RANBP2: variants seen among roughly 807,000 people sequenced by gnomAD.
RANBP2 encodes the protein RAN binding protein 2.
Under a neutral mutation model 303.6 loss-of-function variants are expected in RANBP2, and 57 were observed. That is an observed-to-expected ratio of 0.19 (90% CI 0.15 to 0.23). The LOEUF (loss-of-function observed/expected upper bound fraction) is 0.23, where lower values mean the gene tolerates loss of function less well. RANBP2 is among the 10% of genes least tolerant of loss of function. RANBP2 has a pLI of 1.00. For missense variants in RANBP2, 3,138 were observed against 3,780.8 expected, an observed-to-expected ratio of 0.83 and a Z score of 4.46; for synonymous variants, 1,167 against 1,301.5, an observed-to-expected ratio of 0.90 and a Z score of 2.23.
At chr2:109,011,870 G>A in the RANBP2 span, among the ~76,000 whole-genome samples, 2 of 152,078 alleles carry the variant, frequency 1.3e-5, no homozygotes, top group East Asian at 1.9e-4. Context: ...GTATATGTGT[G>A]TGCGTGTATG....
the RANBP2 span, chr2:109,347,946 C>T: frequency 1.3e-6 from 2 of 1,599,744 alleles, no homozygotes; most frequent in Non-Finnish European, 1.7e-6. Context: ...TGACCTTCAC[C>T]AAGGTAAGGT....
At chr2:109,244,330 G>A in the RANBP2 span, among the ~76,000 whole-genome samples, 2 of 152,180 alleles carry the variant, frequency 1.3e-5, no homozygotes, top group Non-Finnish European at 2.9e-5. Flanking sequence ...AGGAGCAGGT[G>A]AGAAAAGTGA....
chr2:109,084,358 A>G, the RANBP2 span, among the ~76,000 whole-genome samples: 1 of 152,200 alleles, frequency 6.6e-6, no homozygotes. Flanking sequence ...AACAAAGAAG[A>G]CTGATTTTCA....
At chr2:108,979,527 G>A in the RANBP2 span, among the ~76,000 whole-genome samples, 1 of 151,976 alleles carries the variant, frequency 6.6e-6, no homozygotes, top group Non-Finnish European at 1.5e-5. Context: ...GAGCTGAAGT[G>A]GGGGCTGGAG....
At chr2:108,811,247 C>CTCTTTTTTTTTTTTTTTTTT in the RANBP2 span, among the ~76,000 whole-genome samples, 6 of 113,900 alleles carry the variant, frequency 5.3e-5, no homozygotes, top group East Asian at 2.4e-4. Flanking sequence ...TTCTCTCTCT[C>CTCTTTTTTTTTTTTTTTTTT]TTTTTTTTTT....
chr2:109,054,397 C>G, the RANBP2 span, among the ~76,000 whole-genome samples: 1 of 152,104 alleles, frequency 6.6e-6, no homozygotes, highest in Non-Finnish European at 1.5e-5. Context: ...TAAAATAAGA[C>G]ACACAGATCT....
At chr2:109,147,505 C>A in the RANBP2 span, among the ~76,000 whole-genome samples, 13 of 152,136 alleles carry the variant, frequency 8.5e-5, no homozygotes, top group South Asian at 2.1e-4. Flanking sequence ...TGATAAGAAG[C>A]CCACACTTGA....
chr2:109,342,775 G>T, the RANBP2 span, among the ~76,000 whole-genome samples: 1 of 152,188 alleles, frequency 6.6e-6, no homozygotes, highest in Non-Finnish European at 1.5e-5. Context: ...GTGCCCACGT[G>T]AGCGCCATCT....
chr2:109,269,469 C>T, the RANBP2 span, among the ~76,000 whole-genome samples: 6,141 of 152,244 alleles, frequency 0.04, 407 homozygotes, highest in African/African-American at 0.14. Flanking sequence ...TGACTTTAAG[C>T]ACCAGGTAGT....
At chr2:108,998,271 C>T in the RANBP2 span, among the ~76,000 whole-genome samples, 6 of 152,210 alleles carry the variant, frequency 3.9e-5, no homozygotes, top group East Asian at 5.8e-4. Flanking sequence ...CCATTCATCT[C>T]GACCTGCCCC....
At chr2:109,704,322 A>G in the RANBP2 span, among the ~76,000 whole-genome samples, 3 of 151,692 alleles carry the variant, frequency 2.0e-5, no homozygotes, top group African/African-American at 7.3e-5. Context: ...CCGAGGTGGA[A>G]GGATCACTTG....
chr2:109,207,024 C>T, the RANBP2 span, among the ~76,000 whole-genome samples: 1 of 152,290 alleles, frequency 6.6e-6, no homozygotes, highest in African/African-American at 2.4e-5. Flanking sequence ...GTGAGAACCA[C>T]TCAGGGCCTG....
the RANBP2 span, among the ~76,000 whole-genome samples, chr2:109,466,870 T>C: frequency 6.6e-6 from 1 of 152,180 alleles, no homozygotes; most frequent in East Asian, 1.9e-4. Context: ...CATGTGTGTA[T>C]ATGTTTGTGT....
the RANBP2 span, among the ~76,000 whole-genome samples, chr2:109,588,484 A>C: frequency 1.3e-5 from 2 of 152,142 alleles, no homozygotes; most frequent in Non-Finnish European, 2.9e-5. Context: ...CAGTATACAT[A>C]AAGTGTTATA....
the RANBP2 span, among the ~76,000 whole-genome samples, chr2:109,690,332 G>T: frequency 6.6e-6 from 1 of 152,176 alleles, no homozygotes; most frequent in Admixed American, 6.5e-5. Flanking sequence ...AAAGTTGTGG[G>T]AGCACTTCCA....
At chr2:109,368,117 T>G in the RANBP2 span, among the ~76,000 whole-genome samples, 4,390 of 152,362 alleles carry the variant, frequency 0.029, 156 homozygotes, top group African/African-American at 0.089. Context: ...TTCCCTGATT[T>G]TTGGCCTTGG....
the RANBP2 span, among the ~76,000 whole-genome samples, chr2:109,290,599 T>C: frequency 6.6e-6 from 1 of 152,214 alleles, no homozygotes; most frequent in Non-Finnish European, 1.5e-5. Flanking sequence ...TCAATGCAAG[T>C]CCTAAGTCTT....
At chr2:109,090,514 T>G in the RANBP2 span, among the ~76,000 whole-genome samples, 1 of 152,186 alleles carries the variant, frequency 6.6e-6, no homozygotes, top group Non-Finnish European at 1.5e-5. Flanking sequence ...CACCTCCTCA[T>G]GACGAGCATC....
At chr2:108,795,037 C>A in the RANBP2 span, among the ~76,000 whole-genome samples, 152 of 119,772 alleles carry the variant, frequency 1.3e-3, no homozygotes, top group African/African-American at 3.7e-3. Flanking sequence ...GATGCTCTAG[C>A]TTTATTGTTT....
Sources: allele counts gnomAD v4.1 joint callset (sites outside exome capture counted in the v4.1 genomes callset), GRCh38; gene constraint gnomAD v4.1.1; transcripts MANE v1.5; gene names NCBI Gene and HGNC (gene_info 2026-07-23, HGNC 2026-07-21).